The following BNC2 variants were observed in gnomAD, a reference collection of about 807,000 sequenced individuals.
The protein encoded by BNC2 is zinc finger protein basonuclin-2.
A neutral mutation model predicts 76.3 loss-of-function variants in BNC2; 20 were observed. The observed-to-expected ratio is 0.26, with a 90% confidence interval of 0.18 to 0.38. BNC2 has a LOEUF of 0.38. Among genes scored for constraint, BNC2 ranks in the 10% least tolerant of loss-of-function variants. BNC2 has a pLI of 1.00. For synonymous variants in BNC2, 582 were observed against 514.8 expected, an observed-to-expected ratio of 1.13 and a Z score of -1.77; for missense variants, 1,382 against 1,399.8, an observed-to-expected ratio of 0.99 and a Z score of 0.20.
chr9:16,460,965 T>G (rs1001766675), intron 5 of BNC2, among the ~76,000 whole-genome samples: 4 of 151,844 alleles, frequency 2.6e-5, no homozygotes, highest in African/African-American at 9.7e-5. Flanking sequence ...GAAATATGAC[T>G]GTACAACTTG....
intron 1 of BNC2, among the ~76,000 whole-genome samples, chr9:16,741,539 C>T (rs1293727347): frequency 6.6e-6 from 1 of 151,968 alleles, no homozygotes; most frequent in Non-Finnish European, 1.5e-5. Context: ...CCCACAAAAG[C>T]GTGAGAAATA....
At chr9:16,772,972 C>A (rs150584637) in intron 1 of BNC2, among the ~76,000 whole-genome samples, 1 of 152,286 alleles carries the variant, frequency 6.6e-6, no homozygotes, top group African/African-American at 2.4e-5. Context: ...TGCTGTGTGT[C>A]AGAATGTCTC....
intron 3 of BNC2, among the ~76,000 whole-genome samples, chr9:16,591,074 T>G (rs113251503): frequency 6.6e-6 from 1 of 152,198 alleles, no homozygotes; most frequent in African/African-American, 2.4e-5. Flanking sequence ...ACTCACATGA[T>G]AGTAATGGTG....
At chr9:16,509,055 C>T (rs1822695945) in intron 5 of BNC2, among the ~76,000 whole-genome samples, 1 of 151,866 alleles carries the variant, frequency 6.6e-6, no homozygotes, top group Non-Finnish European at 1.5e-5. Context: ...GTCTTGAACT[C>T]CTGGCCTCAA....
chr9:16,768,646 T>C (rs754753761), intron 1 of BNC2, among the ~76,000 whole-genome samples: 4 of 151,982 alleles, frequency 2.6e-5, no homozygotes, highest in Non-Finnish European at 5.9e-5. Flanking sequence ...CAGTAAGTAT[T>C]TGAAAACAGA....
At chr9:16,808,102 A>G (rs761527399) in intron 1 of BNC2, among the ~76,000 whole-genome samples, 14 of 152,216 alleles carry the variant, frequency 9.2e-5, no homozygotes, top group Non-Finnish European at 2.1e-4. Flanking sequence ...TAACTCACCT[A>G]TTTAAAGAAT....
chr9:16,582,706 C>T (rs752868404), intron 4 of BNC2, among the ~76,000 whole-genome samples: 40 of 152,272 alleles, frequency 2.6e-4, no homozygotes, highest in South Asian at 1.9e-3. Flanking sequence ...TTGCTGGCTG[C>T]GCCCATGCTC....
intron 3 of BNC2, among the ~76,000 whole-genome samples, chr9:16,678,256 T>C (rs978721612): frequency 2.1e-5 from 3 of 145,712 alleles, no homozygotes; most frequent in African/African-American, 7.7e-5. Context: ...GTAACTGTTT[T>C]CTTTCTTTTT....
intron 5 of BNC2, among the ~76,000 whole-genome samples, chr9:16,444,006 A>T: frequency 6.6e-6 from 1 of 152,192 alleles, no homozygotes; most frequent in South Asian, 2.1e-4. Flanking sequence ...TAAATCACGC[A>T]AATTGCTTGA....
At chr9:16,467,906 A>C (rs1332734424) in intron 5 of BNC2, among the ~76,000 whole-genome samples, 1 of 152,026 alleles carries the variant, frequency 6.6e-6, no homozygotes, top group Non-Finnish European at 1.5e-5. Context: ...GTGCCTGACC[A>C]GGTTCTTATG....
chr9:16,763,950 G>C (rs1191707945), intron 1 of BNC2, among the ~76,000 whole-genome samples: 1 of 152,254 alleles, frequency 6.6e-6, no homozygotes, highest in South Asian at 2.1e-4. Context: ...GAAGACTATA[G>C]CAAGTGGGGG....
chr9:16,495,783 T>C (rs2131690631), intron 5 of BNC2, among the ~76,000 whole-genome samples: 1 of 152,292 alleles, frequency 6.6e-6, no homozygotes, highest in South Asian at 2.1e-4. Flanking sequence ...CAGACATCAG[T>C]TTGACTCAAA....
chr9:16,594,984 T>C (rs1180642950), intron 3 of BNC2, among the ~76,000 whole-genome samples: 1 of 152,134 alleles, frequency 6.6e-6, no homozygotes, highest in Non-Finnish European at 1.5e-5. Context: ...TTTAAGCAAC[T>C]TGAAAAGTGA....
At chr9:16,660,326 C>T (rs550906561) in intron 3 of BNC2, among the ~76,000 whole-genome samples, 4 of 152,110 alleles carry the variant, frequency 2.6e-5, no homozygotes, top group Admixed American at 6.5e-5. Context: ...TGGTGGCACA[C>T]GCCTGTAATC....
chr9:16,601,597 T>C (rs1265542459), intron 3 of BNC2, among the ~76,000 whole-genome samples: 1 of 152,054 alleles, frequency 6.6e-6, no homozygotes, highest in African/African-American at 2.4e-5. Flanking sequence ...TGAAGCAAGA[T>C]CCTACTACAC....
intron 2 of BNC2, among the ~76,000 whole-genome samples, chr9:16,737,142 A>G (rs1355369209): frequency 1.3e-5 from 2 of 150,282 alleles, no homozygotes; most frequent in Admixed American, 1.3e-4. Context: ...ATCTTGCTCT[A>G]TCGCCCAGGC....
intron 6 of BNC2, among the ~76,000 whole-genome samples, chr9:16,423,989 T>C (rs1374442384): frequency 1.3e-5 from 2 of 152,196 alleles, no homozygotes; most frequent in African/African-American, 4.8e-5. Context: ...GGAAGTACTC[T>C]AACTGGACTA....
chr9:16,474,865 G>C (rs1281130556), intron 5 of BNC2, among the ~76,000 whole-genome samples: 1 of 152,006 alleles, frequency 6.6e-6, no homozygotes, highest in Non-Finnish European at 1.5e-5. Flanking sequence ...AACACCACAT[G>C]GTGGGCTCAT....
chr9:16,494,910 C>A (rs1046507970), intron 5 of BNC2, among the ~76,000 whole-genome samples: 1 of 152,110 alleles, frequency 6.6e-6, no homozygotes. Flanking sequence ...AGCAAACTAA[C>A]GTGGCACATG....
Sources: allele counts gnomAD v4.1 joint callset (sites outside exome capture counted in the v4.1 genomes callset), GRCh38; gene constraint gnomAD v4.1.1; transcripts MANE v1.5; gene names NCBI Gene and HGNC (gene_info 2026-07-23, HGNC 2026-07-21).